The following RCE1 variants were observed in gnomAD, a reference collection of about 807,000 sequenced individuals.
The protein encoded by RCE1 is CAAX prenyl protease 2.
A neutral mutation model predicts 35.0 loss-of-function variants in RCE1; 15 were observed. The ratio of observed to expected loss-of-function variants is 0.43; its 90% CI spans 0.29 to 0.66. The LOEUF is 0.66. Ranked by LOEUF, RCE1 falls within the 30% of genes least tolerant of loss-of-function variation. The probability of loss-of-function intolerance (pLI) is 0.17; values close to 1 mark genes in which losing one functional copy is unlikely to be tolerated. For synonymous variants in RCE1, 261 were observed against 192.7 expected, an observed-to-expected ratio of 1.35 and a Z score of -2.94; for missense variants, 434 against 433.0, an observed-to-expected ratio of 1.00 and a Z score of -0.02.
Position 66,843,510 on chromosome 11 carries a change from C to CGGCCGCCCGAGT in RCE1, c.56_67dup (p.Glu22_Ser23insTrpProProGlu). The stretch of plus-strand genomic sequence containing the variant: ...ACTGCTGTCGGTGTCGCGGCCGGAG[C>CGGCCGCCCGAGT]GGCCGCCCGAGTCGGCGGCGCTGGG... On this transcript the variant is annotated inframe_insertion, in exon 1 of 8. Transcript: ENST00000309657. 2.0e-6 allele frequency: 3 copies of CGGCCGCCCGAGT among 1,493,316 alleles called. No homozygotes were observed. Among genetic ancestry groups the CGGCCGCCCGAGT allele is most frequent in the Non-Finnish European group, 2.7e-6 (3 of 1,131,786 alleles). The allele number at this position is 1,493,316 out of a possible 1,614,324, so 92.5% of individuals were successfully genotyped here. A position where few individuals can be genotyped will look rare whatever the true frequency, so the allele number is the denominator to read the frequency against.
chr11:66,843,598 C>T lies in RCE1; in HGVS notation c.143C>T (p.Ser48Phe), dbSNP rs189678026. The change falls in exon 1 of 8, where the codon TCC becomes TTC. Residue 48 changes from serine to phenylalanine, a missense_variant. Transcript: ENST00000309657. ...TTCTCCTGCCTCAGCCTCGCCTGCT[C>T]CTACGTGGGCAGCCTCTACGTCTGG... The part of the protein sequence containing the change: ...SVFSCLSLAC[S>F]YVGSLYVWKS... The T allele has an allele frequency of 4.8e-5, 76 of 1,593,528 alleles. No individual in the cohort carries two copies. In the African/African-American group the frequency reaches 8.5e-4, roughly 18 times the overall value.
At chr11:66,844,499 G>A (rs2135769569) in intron 4 of RCE1, 135 bp downstream of exon 4, 2 of 1,253,696 alleles carry the variant, frequency 1.6e-6, no homozygotes, top group East Asian at 2.4e-5. Context: ...TCAGTAAAAT[G>A]GAAACATAGA....
Position 66,846,441 on chromosome 11 carries a change from C to T in RCE1, c.*346C>T, listed in dbSNP as rs1423733564. 2 of 167,416 alleles carry T rather than the reference C, an allele frequency of 1.2e-5. No individual in the cohort carries two copies. The highest frequency in any genetic ancestry group is 2.2e-5 in the Non-Finnish European group (2 of 91,018). 10.4% of individuals were successfully genotyped at this position (167,416 alleles called of 1,614,324 possible). The stretch of plus-strand genomic sequence containing the variant: ...TTATTTATAAAACCTCTCCCCACCC[C>T]CCACCCCCCAACTTCCTGGGTTTTC... On this transcript the variant is annotated 3_prime_UTR_variant, in exon 8 of 8. Transcript: ENST00000309657.
At chr11:66,844,837 C>A in intron 4 of RCE1, 32 bp from the exon 5 acceptor site, 1 of 1,506,716 alleles carries the variant, frequency 6.6e-7, no homozygotes, top group South Asian at 1.4e-5. Flanking sequence ...GACAGCCCGT[C>A]ACTCACAGCT....
At chr11:66,844,710 A>G in intron 4 of RCE1, 159 bp from the exon 5 acceptor site, 3 of 1,104,554 alleles carry the variant, frequency 2.7e-6, no homozygotes, top group Non-Finnish European at 2.5e-6. Flanking sequence ...ATCTCAAGAC[A>G]TTGGGTTTAT....
rs1945209474 is a variant in RCE1, at chr11:66,846,312, G to C, written c.*217G>C. On this transcript the variant is annotated 3_prime_UTR_variant, in exon 8 of 8. Transcript: ENST00000309657. ...AAGGGGTGTTTACGAGCAGCTGTGA[G>C]TGAGGGGACAAGGGGCAGGTCCCAG... 1.8e-6 allele frequency: 1 copy of C among 567,002 alleles called. No homozygotes were observed. Among genetic ancestry groups the C allele is most frequent in the Admixed American group, 3.8e-5 (1 of 26,666 alleles). 35.1% of individuals were successfully genotyped at this position (567,002 alleles called of 1,614,324 possible).
rs1335485735 is a variant in RCE1, at chr11:66,846,097, C to T, written c.*2C>T. ...TCAGAGGCTCCCCTGTGCTCCTGAC[C>T]TATGCTCCTGGATACGCTATGAACT... On this transcript the variant is annotated 3_prime_UTR_variant, in exon 8 of 8. Transcript: ENST00000309657. 1.2e-6 allele frequency: 2 copies of T among 1,602,944 alleles called. No homozygotes were observed. Among genetic ancestry groups the T allele is most frequent in the South Asian group, 1.1e-5 (1 of 90,134 alleles).
chr11:66,844,083 G>T (rs1475964188), intron 3 of RCE1, 44 bp downstream of exon 3: 2 of 1,613,436 alleles, frequency 1.2e-6, no homozygotes, highest in Non-Finnish European at 1.7e-6. Context: ...TTTGTTATCA[G>T]CCTGATGGGC....
In RCE1 at chr11:66,843,940, C is replaced by T. The variant is rs374298947; in HGVS notation, c.289-16C>T. The stretch of plus-strand genomic sequence containing the variant: ...GGGGAGGAAGCAAAACTGATGCCCC[C>T]TTTCCTGTGGCTCAGCCAGGCACAT... On this transcript the variant is annotated splice_polypyrimidine_tract_variant and intron_variant, in intron 2 of 7. Coordinates refer to ENST00000309657, the MANE Select transcript of RCE1 (RefSeq NM_005133.3). 1.3e-4 allele frequency: 215 copies of T among 1,614,050 alleles called. No individual in the cohort carries two copies. Among genetic ancestry groups the T allele is most frequent in the Non-Finnish European group, 1.7e-4 (202 of 1,180,044 alleles).
Position 66,843,969 on chromosome 11 carries a change from T to C in RCE1, c.302T>C (p.Leu101Pro). ...ELTGIQPGTS[L>P]LTLMGFRLEG... ...CCTGTGGCTCAGCCAGGCACATCCCTGCTCACCCTGATGGGCTTCAGGCTG... is the reference window on the plus strand; with the variant it reads ...CCTGTGGCTCAGCCAGGCACATCCCCGCTCACCCTGATGGGCTTCAGGCTG... The change falls in exon 3 of 8, where the codon CTG (leucine) becomes CCG (proline). Residue 101 changes from leucine (L) to proline (P), a missense_variant. Coordinates refer to ENST00000309657, the MANE Select transcript of RCE1 (RefSeq NM_005133.3). 2 of 1,614,134 alleles carry C rather than the reference T, an allele frequency of 1.2e-6. No homozygotes were observed. Among genetic ancestry groups the C allele is most frequent in the Non-Finnish European group, 1.7e-6 (2 of 1,180,016 alleles).
At position 66,846,011 on chromosome 11, in the gene RCE1, C is replaced by A; in HGVS notation, c.906C>A (p.Leu302=). 1 of 1,613,950 alleles carries A rather than the reference C, an allele frequency of 6.2e-7. No individual in the cohort carries two copies. Among genetic ancestry groups the A allele is most frequent in the Non-Finnish European group, 8.5e-7 (1 of 1,180,034 alleles). The part of the protein sequence containing the change: ...VGLFLLLLQP[L]TDPKLYGSLP... The stretch of plus-strand genomic sequence containing the variant: ...TCTTCCTGCTTCTGCTCCAGCCCCT[C>A]ACGGACCCCAAGCTCTACGGCAGCC... Residue 302 remains leucine, a synonymous_variant, in exon 8 of 8, where the codon CTC becomes CTA. Transcript: ENST00000309657.
In RCE1 at chr11:66,843,480, C is replaced by A; in HGVS notation, c.25C>A (p.Leu9Met). Residue 9 changes from leucine to methionine, a missense_variant, in exon 1 of 8, where the codon CTG becomes ATG. Transcript: ENST00000309657. MAALGGDG[L>M]RLLSVSRPER... ...AATGGCGGCGCTGGGCGGGGATGGG[C>A]TGCGACTGCTGTCGGTGTCGCGGCC... 6.8e-7 allele frequency: 1 copy of A among 1,466,792 alleles called. No homozygotes were observed. The highest frequency in any genetic ancestry group is 8.9e-7 in the Non-Finnish European group (1 of 1,120,946). 90.9% of individuals were successfully genotyped at this position (1,466,792 alleles called of 1,614,324 possible).
rs2135772470 is a variant in RCE1, at chr11:66,846,324, G to A, written c.*229G>A. ...CGAGCAGCTGTGAGTGAGGGGACAAGGGGCAGGTCCCAGGAGCCACACACT... is the reference window on the plus strand; with the variant it reads ...CGAGCAGCTGTGAGTGAGGGGACAAAGGGCAGGTCCCAGGAGCCACACACT... On this transcript the variant is annotated 3_prime_UTR_variant, in exon 8 of 8. Coordinates refer to ENST00000309657, the MANE Select transcript of RCE1 (RefSeq NM_005133.3). 7.7e-6 allele frequency: 4 copies of A among 516,748 alleles called. No individual in the cohort carries two copies. The East Asian group carries it at 1.0e-4, about 13-fold the overall frequency. The allele number at this position is 516,748 out of a possible 1,614,324, so 32.0% of individuals were successfully genotyped here.
Position 66,846,454 on chromosome 11 carries a change from T to G in RCE1, c.*359T>G. ...CTCTCCCCACCCCCCACCCCCCAAC[T>G]TCCTGGGTTTTCTCATTGTCTTTTT... On this transcript the variant is annotated 3_prime_UTR_variant, in exon 8 of 8. Transcript: ENST00000309657. 1 of 157,652 alleles carries G rather than the reference T, an allele frequency of 6.3e-6. No individual in the cohort carries two copies. The allele number at this position is 157,652 out of a possible 1,614,324, so 9.8% of individuals were successfully genotyped here.
In RCE1 at chr11:66,844,893, T is replaced by A. The variant is rs1423981177; in HGVS notation, c.476T>A (p.Leu159His). The change falls in exon 5 of 8, where the codon CTC becomes CAC. Residue 159 changes from leucine to histidine, a missense_variant. Physicochemically the swap from Leu to His is moderately conservative, Grantham distance 99 (BLOSUM62 -3). Transcript: ENST00000309657. ...VLAPRSWARC[L>H]TDMRWLRNQV... ...GCCCCCCGCTCCTGGGCCCGCTGCC[T>A]CACAGACATGCGTTGGCTGCGGAAC... is the stretch of plus-strand genomic sequence containing the variant. The A allele has an allele frequency of 6.4e-7, 1 of 1,564,262 alleles. No individual in the cohort carries two copies. The highest frequency in any genetic ancestry group is 1.2e-5 in the South Asian group (1 of 82,246).
chr11:66,845,160 T>TC lies in RCE1; in HGVS notation c.620-3dup. 1.9e-6 allele frequency: 3 copies of TC among 1,614,216 alleles called. No homozygotes were observed. The highest frequency in any genetic ancestry group is 1.7e-6 in the Non-Finnish European group (2 of 1,180,030). On this transcript the variant is annotated splice_polypyrimidine_tract_variant and splice_region_variant and intron_variant, in intron 5 of 7. Transcript: ENST00000309657. ...GACTGTGATGTGATTGTCACCTTTTTCCCAGCCCATTTTCACCATATTATT... is the reference window on the plus strand; with the variant it reads ...GACTGTGATGTGATTGTCACCTTTTTCCCCAGCCCATTTTCACCATATTATT...
At position 66,843,474 on chromosome 11, in the gene RCE1, G is replaced by T. The variant is rs777785788; in HGVS notation, c.19G>T (p.Asp7Tyr). 5 of 1,443,344 alleles carry T rather than the reference G, an allele frequency of 3.5e-6. No individual in the cohort carries two copies. Among genetic ancestry groups the T allele is most frequent in the Admixed American group, 6.1e-5 (2 of 32,672 alleles). 89.4% of individuals were successfully genotyped at this position (1,443,344 alleles called of 1,614,324 possible). A position where few individuals can be genotyped will look rare whatever the true frequency, so the allele number is the denominator to read the frequency against. Residue 7 changes from aspartate (D) to tyrosine (Y), a missense_variant, in exon 1 of 8, where the codon GAT (aspartate) becomes TAT (tyrosine). Physicochemically the swap from Asp to Tyr is radical, Grantham distance 160 (BLOSUM62 -3). Transcript: ENST00000309657. ...GGGCGCAATGGCGGCGCTGGGCGGG[G>T]ATGGGCTGCGACTGCTGTCGGTGTC... MAALGG[D>Y]GLRLLSVSRP...
chr11:66,843,997 G>A lies in RCE1; in HGVS notation c.330G>A (p.Glu110=), dbSNP rs1394681173. 4 of 1,614,030 alleles carry A rather than the reference G, an allele frequency of 2.5e-6. No individual in the cohort carries two copies. The highest frequency in any genetic ancestry group is 1.7e-5 in the Admixed American group (1 of 60,012). The stretch of plus-strand genomic sequence containing the variant: ...TCACCCTGATGGGCTTCAGGCTGGA[G>A]GGCATTTTCCCAGCGGCGCTGCTGC... The part of the protein sequence containing the change: ...SLLTLMGFRL[E]GIFPAALLPL... Residue 110 remains glutamate (E), a synonymous_variant, in exon 3 of 8, where the codon GAG becomes GAA. Coordinates refer to ENST00000309657, the MANE Select transcript of RCE1 (RefSeq NM_005133.3).
chr11:66,843,451 G>A lies in RCE1; in HGVS notation c.-5G>A, dbSNP rs913906418. On this transcript the variant is annotated 5_prime_UTR_variant, in exon 1 of 8. Coordinates refer to ENST00000309657, the MANE Select transcript of RCE1 (RefSeq NM_005133.3). ...TCACTGGTGCGCGCCGCGGGTCAGG[G>A]CGCAATGGCGGCGCTGGGCGGGGAT... 1.4e-6 allele frequency: 2 copies of A among 1,404,372 alleles called. No individual in the cohort carries two copies. Among genetic ancestry groups the A allele is most frequent in the Non-Finnish European group, 1.8e-6 (2 of 1,093,440 alleles). The allele number at this position is 1,404,372 out of a possible 1,614,324, so 87.0% of individuals were successfully genotyped here.
Sources: gnomAD v4.1 joint callset for allele counts on GRCh38, gnomAD v4.1.1 for gene constraint, MANE v1.5 for transcripts, NCBI Gene and HGNC (gene_info 2026-07-23, HGNC 2026-07-21) for gene names.